LPCAT3: variants seen among roughly 807,000 people sequenced by gnomAD.
LPCAT3 encodes the protein lysophospholipid acyltransferase 5.
Under a neutral mutation model 63.4 loss-of-function variants are expected in LPCAT3, and 21 were observed. The ratio of observed to expected loss-of-function variants is 0.33; its 90% CI spans 0.23 to 0.48. LPCAT3 has a LOEUF of 0.48. Ranked by LOEUF, LPCAT3 falls within the 20% of genes least tolerant of loss-of-function variation. LPCAT3 has a pLI of 0.99. For synonymous variants in LPCAT3, 242 were observed against 227.5 expected (o/e 1.06, Z -0.58); for missense variants, 451 against 590.6 (o/e 0.76, Z 2.45).
chr12:7,010,928 C>T (rs1456788219), intron 1 of LPCAT3, among the ~76,000 whole-genome samples: 1 of 152,054 alleles, frequency 6.6e-6, no homozygotes, highest in Non-Finnish European at 1.5e-5. Flanking sequence ...GTCTCAAATT[C>T]CTGGGCTCAA....
At chr12:6,978,011 CACTCT>C (rs1946428403) in intron 9 of LPCAT3, 1 of 564,408 alleles carries the variant, frequency 1.8e-6, no homozygotes, top group Non-Finnish European at 3.2e-6. Flanking sequence ...GTGAACCAGA[CACTCT>C]ACTCAAGCTG....
chr12:6,992,508 T>C (rs1188363948), intron 1 of LPCAT3, among the ~76,000 whole-genome samples: 3 of 152,162 alleles, frequency 2.0e-5, no homozygotes, highest in African/African-American at 7.2e-5. Context: ...TCAGTGCAAG[T>C]GTCAACATAG....
chr12:6,977,749 G>C lies in LPCAT3; in HGVS notation c.1041-4C>G. On this transcript the variant is annotated splice_polypyrimidine_tract_variant and splice_region_variant and intron_variant, in intron 9 of 12. Coordinates refer to ENST00000261407, the MANE Select transcript of LPCAT3 (RefSeq NM_005768.6). The surrounding 1 kb of genome is among the most constrained non-coding windows in gnomAD (Gnocchi z 4.5). The stretch of plus-strand genomic sequence containing the variant: ...CTTGAGTCGTTTGAAGATGTAGCTG[G>C]AGAAAAGGGTGGGTGGGGCGACCCT... 6.2e-7 allele frequency: 1 copy of C among 1,613,972 alleles called. No homozygotes were observed. The highest frequency in any genetic ancestry group is 1.1e-5 in the South Asian group (1 of 91,020).
chr12:7,016,757 A>G (rs1236577994), intron 1 of LPCAT3, among the ~76,000 whole-genome samples: 2 of 152,254 alleles, frequency 1.3e-5, no homozygotes, highest in Non-Finnish European at 2.9e-5. Flanking sequence ...AAAGAGTAGG[A>G]AGTTCAAAGC....
intron 1 of LPCAT3, among the ~76,000 whole-genome samples, chr12:7,006,394 T>C (rs1946725214): frequency 6.6e-6 from 1 of 152,186 alleles, no homozygotes; most frequent in Non-Finnish European, 1.5e-5. Flanking sequence ...AGTTTTTGTA[T>C]TTTTAGTAGA....
rs1946674927 is a variant in LPCAT3, at chr12:7,000,437, A to C, written c.152-16898T>G. Among the ~76,000 whole-genome samples, 10 of 150,292 alleles carry C rather than the reference A, an allele frequency of 6.7e-5. No homozygotes were observed. The South Asian group carries it at 2.1e-3, about 32-fold the overall frequency. ...CCCGTCTCTACTAAAAATACAAAAAAAAAGCCGGGGCGTGGTGGCGGATGC... is the reference window on the plus strand; with the variant it reads ...CCCGTCTCTACTAAAAATACAAAAACAAAGCCGGGGCGTGGTGGCGGATGC... On this transcript the variant is annotated intron_variant, in intron 1 of 12. Coordinates refer to ENST00000261407, the MANE Select transcript of LPCAT3 (RefSeq NM_005768.6).
chr12:6,981,783 A>G, intron 4 of LPCAT3, 28 bp downstream of exon 4: 1 of 1,578,152 alleles, frequency 6.3e-7, no homozygotes. Flanking sequence ...CCTACATGTA[A>G]GGAAGGCAGG....
chr12:6,996,584 G>A (rs1469619832), intron 1 of LPCAT3, among the ~76,000 whole-genome samples: 3 of 152,142 alleles, frequency 2.0e-5, no homozygotes, highest in Admixed American at 6.6e-5. Context: ...CTGAATGGCC[G>A]AACAATGAGT....
chr12:6,979,702 A>C, intron 6 of LPCAT3, 123 bp from the exon 7 acceptor site: 1 of 677,186 alleles, frequency 1.5e-6, no homozygotes. Context: ...TGGGATGAGA[A>C]GCTCTGCTGC....
In LPCAT3 at chr12:7,018,260, A is replaced by C; in HGVS notation, c.151+14T>G. ...GACTCCGCGAGGGGCGGAGGGAGGC[A>C]GGAGGGTCCTTACCCAGGAAGATGG... is the stretch of plus-strand genomic sequence containing the variant. On this transcript the variant is annotated intron_variant, in intron 1 of 12. Transcript: ENST00000261407. This position sits in a 1 kb window ranked among gnomAD's most constrained non-coding sequence, Gnocchi z 4.9. 6.3e-7 allele frequency: 1 copy of C among 1,590,266 alleles called. No homozygotes were observed. Among genetic ancestry groups the C allele is most frequent in the Non-Finnish European group, 8.6e-7 (1 of 1,168,592 alleles).
chr12:7,000,179 C>T (rs1946672465), intron 1 of LPCAT3, among the ~76,000 whole-genome samples: 2 of 151,988 alleles, frequency 1.3e-5, no homozygotes, highest in Non-Finnish European at 2.9e-5. Flanking sequence ...CTCAGACTCC[C>T]AAAGTGCTGG....
At chr12:7,008,783 A>T (rs1268249520) in intron 1 of LPCAT3, among the ~76,000 whole-genome samples, 1 of 152,146 alleles carries the variant, frequency 6.6e-6, no homozygotes, top group Non-Finnish European at 1.5e-5. Context: ...ACTCCTCTGT[A>T]TCTAACCTTC....
intron 1 of LPCAT3, among the ~76,000 whole-genome samples, chr12:6,991,324 CAGTT>C (rs1355127398): frequency 2.0e-5 from 3 of 152,228 alleles, no homozygotes; most frequent in Non-Finnish European, 4.4e-5. Flanking sequence ...AGTTTCTTAA[CAGTT>C]AGGAACTTTT....
intron 1 of LPCAT3, among the ~76,000 whole-genome samples, chr12:7,015,713 AG>A (rs1179692642): frequency 6.6e-6 from 1 of 152,218 alleles, no homozygotes; most frequent in Non-Finnish European, 1.5e-5. Flanking sequence ...ATAGGAAGGC[AG>A]GGTGTGGGAA....
At chr12:6,997,491 G>A (rs1946647863) in intron 1 of LPCAT3, 1 of 154,162 alleles carries the variant, frequency 6.5e-6, no homozygotes, top group Non-Finnish European at 1.4e-5. Flanking sequence ...TTGGCTTACT[G>A]CAACCTCTGC....
chr12:6,976,922 T>A (rs1946410324), intron 12 of LPCAT3, 31 bp from the exon 13 acceptor site: 1 of 507,300 alleles, frequency 2.0e-6, no homozygotes, highest in East Asian at 3.3e-5. Context: ...GGAAGGCTGG[T>A]TAGTTACTCC....
chr12:6,989,311 GTGTT>G (rs1360663833), intron 1 of LPCAT3, among the ~76,000 whole-genome samples: 1 of 143,752 alleles, frequency 7.0e-6, no homozygotes. Flanking sequence ...TTCAAAATGC[GTGTT>G]TTTTTTTTTT....
chr12:7,014,124 T>C (rs1162715906), intron 1 of LPCAT3, among the ~76,000 whole-genome samples: 1 of 152,230 alleles, frequency 6.6e-6, no homozygotes, highest in Non-Finnish European at 1.5e-5. Flanking sequence ...GTCCCATCTT[T>C]AAATCTCACA....
intron 1 of LPCAT3, among the ~76,000 whole-genome samples, chr12:7,001,001 C>T (rs1946683027): frequency 6.6e-6 from 1 of 152,142 alleles, no homozygotes; most frequent in South Asian, 2.1e-4. Context: ...GCCACTGCGC[C>T]CGGCCGAAAA....
Sources: allele counts gnomAD v4.1 joint callset (sites outside exome capture counted in the v4.1 genomes callset), GRCh38; gene constraint gnomAD v4.1.1; non-coding constraint Gnocchi (gnomAD v3.1); transcripts MANE v1.5; gene names NCBI Gene and HGNC (gene_info 2026-07-23, HGNC 2026-07-21).